STON2: variants seen among roughly 807,000 people sequenced by gnomAD.
The protein encoded by STON2 is stonin-2.
Under a neutral mutation model 65.7 loss-of-function variants are expected in STON2, and 29 were observed. The ratio of observed to expected loss-of-function variants is 0.44; its 90% CI spans 0.33 to 0.60. The LOEUF (loss-of-function observed/expected upper bound fraction) is 0.60, where lower values mean the gene tolerates loss of function less well. STON2 is among the 20% of genes least tolerant of loss of function. The pLI, the probability that STON2 is intolerant of heterozygous loss-of-function variation, is 0.03. For synonymous variants in STON2, 404 were observed against 414.2 expected, an observed-to-expected ratio of 0.98 and a Z score of 0.30; for missense variants, 1,054 against 1,118.1, an observed-to-expected ratio of 0.94 and a Z score of 0.82.
chr14:81,423,337 G>A (rs1246025067), intron 2 of STON2, among the ~76,000 whole-genome samples: 1 of 152,052 alleles, frequency 6.6e-6, no homozygotes, highest in Non-Finnish European at 1.5e-5. Context: ...TCTCATCTCT[G>A]GAAAAATACA....
intron 4 of STON2, among the ~76,000 whole-genome samples, chr14:81,358,083 T>C (rs1396734161): frequency 6.6e-6 from 1 of 151,586 alleles, no homozygotes; most frequent in African/African-American, 2.4e-5. Context: ...CAAAACCCAA[T>C]GGTATAAGTA....
At chr14:81,406,044 C>T (rs1900842405) in intron 2 of STON2, among the ~76,000 whole-genome samples, 2 of 152,148 alleles carry the variant, frequency 1.3e-5, no homozygotes, top group South Asian at 4.1e-4. Context: ...CATCAGACTC[C>T]AATTTCTTCA....
intron 5 of STON2, among the ~76,000 whole-genome samples, chr14:81,279,690 C>CA (rs1212754759): frequency 6.8e-6 from 1 of 146,006 alleles, no homozygotes; most frequent in East Asian, 2.0e-4. Context: ...GACTCTGTCT[C>CA]AAAAATGAAA....
chr14:81,375,682 A>G (rs534880985), intron 3 of STON2, among the ~76,000 whole-genome samples: 23 of 152,118 alleles, frequency 1.5e-4, no homozygotes, highest in East Asian at 1.2e-3. Flanking sequence ...CAAAATGACC[A>G]CGCTGATCTA....
intron 2 of STON2, among the ~76,000 whole-genome samples, chr14:81,423,909 T>C (rs1334423154): frequency 6.6e-6 from 1 of 151,928 alleles, no homozygotes; most frequent in Non-Finnish European, 1.5e-5. Context: ...AGTGCGAGAG[T>C]CGATGTCTGT....
At position 81,270,885 on chromosome 14, in the gene STON2, G is replaced by A. The variant is rs1894557045; in HGVS notation, c.2582-13C>T. 3 of 1,610,572 alleles carry A rather than the reference G, an allele frequency of 1.9e-6. No individual in the cohort carries two copies. The Admixed American group carries it at 5.0e-5, about 27-fold the overall frequency. Reference sequence around the variant, plus strand: ...GGGTGACCGGAAGCTATGAAAGAAAGACAATCGAGAGATCAGATTATTTGG... The same window carrying A: ...GGGTGACCGGAAGCTATGAAAGAAAAACAATCGAGAGATCAGATTATTTGG... On this transcript the variant is annotated splice_polypyrimidine_tract_variant and intron_variant, in intron 6 of 7. Coordinates refer to ENST00000614646, the MANE Select transcript of STON2 (RefSeq NM_001394390.1).
At position 81,308,815 on chromosome 14, in the gene STON2, T is replaced by C. The variant is rs867241662; in HGVS notation, c.742+15202A>G. On this transcript the variant is annotated intron_variant, in intron 5 of 7. Transcript: ENST00000614646. ...ATATATATATATATATATATATATA[T>C]ATATATATATGTGTGTGTGTGTATA... Among the ~76,000 whole-genome samples, 13 of 19,200 alleles carry C rather than the reference T, an allele frequency of 6.8e-4. 3 individuals are homozygous for C. The highest frequency in any genetic ancestry group is 6.1e-3 in the South Asian group (3 of 492). The allele number at this position is 19,200 out of a possible 152,430, so 12.6% of individuals were successfully genotyped here. A position where few individuals can be genotyped will look rare whatever the true frequency, so the allele number is the denominator to read the frequency against.
intron 4 of STON2, among the ~76,000 whole-genome samples, chr14:81,366,449 T>C (rs557608021): frequency 8.5e-5 from 13 of 152,220 alleles, no homozygotes; most frequent in Admixed American, 7.8e-4. Flanking sequence ...TGCCCAGTGG[T>C]TACCCTGACA....
At chr14:81,356,671 T>C (rs926099897) in intron 4 of STON2, among the ~76,000 whole-genome samples, 47 of 152,192 alleles carry the variant, frequency 3.1e-4, no homozygotes, top group Non-Finnish European at 4.7e-4. Flanking sequence ...TATTGATTAT[T>C]GCCACAATTT....
At chr14:81,420,534 G>C (rs1901654625) in intron 2 of STON2, among the ~76,000 whole-genome samples, 1 of 152,156 alleles carries the variant, frequency 6.6e-6, no homozygotes, top group Non-Finnish European at 1.5e-5. Context: ...TGGAGAGAGA[G>C]ACAGGCAAAT....
intron 5 of STON2, among the ~76,000 whole-genome samples, chr14:81,322,542 CT>C (rs1342777589): frequency 3.9e-5 from 6 of 152,116 alleles, no homozygotes; most frequent in Non-Finnish European, 5.9e-5. Context: ...CAAGGGGAAA[CT>C]AGAGCCGCAA....
intron 5 of STON2, among the ~76,000 whole-genome samples, chr14:81,306,256 G>T (rs1896178516): frequency 2.1e-5 from 2 of 94,696 alleles, no homozygotes; most frequent in African/African-American, 4.3e-5. Flanking sequence ...TTGAGATGGA[G>T]TTTCACTCAG....
At chr14:81,382,442 C>G (rs1899570883) in intron 3 of STON2, among the ~76,000 whole-genome samples, 1 of 151,986 alleles carries the variant, frequency 6.6e-6, no homozygotes, top group South Asian at 2.1e-4. Context: ...ATATAAAGTT[C>G]AAAACCAGGC....
rs531591646 is a variant in STON2 at position 81,307,908 on chromosome 14, T to C, written c.742+16109A>G. Among the ~76,000 whole-genome samples, 44 of 152,328 alleles carry C rather than the reference T, an allele frequency of 2.9e-4. 1 individual carries two copies. In the South Asian group the frequency reaches 6.6e-3, roughly 23 times the overall value. On this transcript the variant is annotated intron_variant, in intron 5 of 7. Transcript: ENST00000614646. ...CAACAGTTGGCTATTTTAGTAGTTA[T>C]GTTTTTGGGGAGTCAAGTTATATGT...
upstream of STON2, among the ~76,000 whole-genome samples, chr14:81,404,921 C>T (rs545488001): frequency 6.6e-6 from 1 of 152,276 alleles, no homozygotes; most frequent in African/African-American, 2.4e-5. Flanking sequence ...AGTATTTTGC[C>T]TTTTGGTCTG....
rs1039216344 is a variant in STON2 at position 81,270,404 on chromosome 14, T to A, written c.2784+266A>T. 4 of 1,398,336 alleles carry A rather than the reference T, an allele frequency of 2.9e-6. No individual in the cohort carries two copies. In the African/African-American group the frequency reaches 4.4e-5, roughly 15 times the overall value. 86.6% of individuals were successfully genotyped at this position (1,398,336 alleles called of 1,614,324 possible). ...CTGGCCCCCATTATTCTTTTTGTTG[T>A]CATTGCTCATAATGACAGAAAGACA... On this transcript the variant is annotated intron_variant, in intron 7 of 7. Coordinates refer to ENST00000614646, the MANE Select transcript of STON2 (RefSeq NM_001394390.1).
chr14:81,424,596 A>G (rs1176390672), intron 2 of STON2, among the ~76,000 whole-genome samples: 1 of 152,072 alleles, frequency 6.6e-6, no homozygotes, highest in African/African-American at 2.4e-5. Context: ...CATTTCTTCA[A>G]CTTCTCAGGG....
chr14:81,277,662 A>G lies in STON2; in HGVS notation c.1820T>C (p.Met607Thr), dbSNP rs1454831482. The change falls in exon 6 of 8, where the codon ATG (methionine) becomes ACG (threonine). Residue 607 changes from methionine to threonine, a missense_variant. Coordinates refer to ENST00000614646, the MANE Select transcript of STON2 (RefSeq NM_001394390.1). ...GTCCATTGACAACACTGGCAGATCC[A>G]TGAGACGGTCCTGAACTGCATGGAT... Reference protein sequence around the residue: ...SFIHAVQDRLMDLPVLSMDLS... With the variant: ...SFIHAVQDRLTDLPVLSMDLS... 6.2e-7 allele frequency: 1 copy of G among 1,614,084 alleles called. No individual in the cohort carries two copies. The highest frequency in any genetic ancestry group is 1.3e-5 in the African/African-American group (1 of 74,932).
chr14:81,295,337 A>C (rs1366598425), intron 5 of STON2, among the ~76,000 whole-genome samples: 1 of 152,326 alleles, frequency 6.6e-6, no homozygotes, highest in Non-Finnish European at 1.5e-5. Context: ...AAAAGAAAAG[A>C]AAAGAAAAGA....
Sources: allele counts gnomAD v4.1 joint callset (sites outside exome capture counted in the v4.1 genomes callset), GRCh38; gene constraint gnomAD v4.1.1; transcripts MANE v1.5; gene names NCBI Gene and HGNC (gene_info 2026-07-23, HGNC 2026-07-21).